TBCD: variants seen among roughly 807,000 people sequenced by gnomAD.
TBCD encodes tubulin-specific chaperone D.
In TBCD, 105 loss-of-function variants were observed where a neutral mutation model predicts 169.3. The observed-to-expected ratio is 0.62, with a 90% CI of 0.53 to 0.73. The LOEUF is 0.73. Among genes scored for constraint, TBCD ranks in the 30% least tolerant of loss-of-function variants. The pLI is 0.00. For synonymous variants in TBCD, 700 were observed against 643.9 expected, an observed-to-expected ratio of 1.09 and a Z score of -1.32; for missense variants, 1,444 against 1,600.1, an observed-to-expected ratio of 0.90 and a Z score of 1.66.
At chr17:82,786,477 TA>T (rs2049325205) in intron 7 of TBCD, among the ~76,000 whole-genome samples, 1 of 152,172 alleles carries the variant, frequency 6.6e-6, no homozygotes, top group Non-Finnish European at 1.5e-5. Flanking sequence ...AACGGGCTTC[TA>T]GGGGTCTCCT....
chr17:82,857,581 G>A (rs2056414151), intron 13 of TBCD, among the ~76,000 whole-genome samples: 1 of 151,890 alleles, frequency 6.6e-6, no homozygotes, highest in African/African-American at 2.4e-5. Context: ...AAAGTATTTT[G>A]TTTTTTTGTT....
chr17:82,929,240 C>T lies in TBCD; in HGVS notation c.2821C>T (p.His941Tyr), dbSNP rs753751532. The T allele has an allele frequency of 1.2e-6, 2 of 1,613,946 alleles. No individual in the cohort carries two copies. The change falls in exon 31 of 39, where the codon CAC (histidine) becomes TAC (tyrosine). Residue 941 changes from histidine (H) to tyrosine (Y), a missense_variant. His to Tyr is a moderately conservative substitution (Grantham distance 83, BLOSUM62 2). Transcript: ENST00000355528. Reference sequence around the variant, plus strand: ...CAGCCCTCCCATCCCCCACGTGCCCCACCGAGGAGAACTGGAAAAGCTGTT... The same window carrying T: ...CAGCCCTCCCATCCCCCACGTGCCCTACCGAGGAGAACTGGAAAAGCTGTT... ...FDSPPIPHVP[H>Y]RGELEKLFPR...
intron 15 of TBCD, among the ~76,000 whole-genome samples, chr17:82,885,405 G>C (rs1056572146): frequency 6.6e-6 from 1 of 152,110 alleles, no homozygotes; most frequent in Non-Finnish European, 1.5e-5. Flanking sequence ...CCTGCTCTCT[G>C]TATCCTGAAG....
chr17:82,831,428 G>A lies in TBCD; in HGVS notation c.1318+16494G>A, dbSNP rs1461632368. ...TCAAGCAGGTGAGAGCTCTGATCTC[G>A]GGTGAGGCCAGTGACAGGTGGGAGT... On this transcript the variant is annotated intron_variant, in intron 13 of 38. Transcript: ENST00000355528. This position sits in a 1 kb window ranked among gnomAD's most constrained non-coding sequence, Gnocchi z 4.6. The A allele has an allele frequency of 6.2e-7, 1 of 1,614,166 alleles. No homozygotes were observed. Among genetic ancestry groups the A allele is most frequent in the Admixed American group, 1.7e-5 (1 of 60,016 alleles).
intron 13 of TBCD, among the ~76,000 whole-genome samples, chr17:82,828,272 A>G (rs2053104633): frequency 7.7e-6 from 1 of 130,288 alleles, no homozygotes; most frequent in Non-Finnish European, 1.6e-5. Flanking sequence ...ACACAATTGA[A>G]TGCACACACA....
At chr17:82,904,151 C>T (rs1460691604) in intron 19 of TBCD, among the ~76,000 whole-genome samples, 3 of 147,810 alleles carry the variant, frequency 2.0e-5, no homozygotes, top group Non-Finnish European at 3.0e-5. Flanking sequence ...TCCTTGGTCT[C>T]TAGGTGGCTT....
intron 15 of TBCD, among the ~76,000 whole-genome samples, chr17:82,887,581 C>T (rs541411031): frequency 3.5e-4 from 54 of 152,268 alleles, no homozygotes; most frequent in African/African-American, 1.2e-3. Flanking sequence ...TGTAAACATT[C>T]GTGCTCAGGT....
At chr17:82,939,887 G>A (rs1398883730) in intron 37 of TBCD, among the ~76,000 whole-genome samples, 7 of 152,184 alleles carry the variant, frequency 4.6e-5, no homozygotes, top group Admixed American at 3.3e-4. Flanking sequence ...AATAAGAAAA[G>A]CTCTCCCCAC....
chr17:82,919,662 C>CT (rs1366405828), intron 23 of TBCD, among the ~76,000 whole-genome samples: 3 of 152,104 alleles, frequency 2.0e-5, no homozygotes, highest in African/African-American at 7.2e-5. Flanking sequence ...CCGTTTTCCT[C>CT]TTTCCAGTCG....
Position 82,768,582 on chromosome 17 carries a change from A to G in TBCD, c.582+16A>G. 6.2e-7 allele frequency: 1 copy of G among 1,612,392 alleles called. No individual in the cohort carries two copies. The highest frequency in any genetic ancestry group is 8.5e-7 in the Non-Finnish European group (1 of 1,178,696). Reference sequence around the variant, plus strand: ...AATAGCAGAGGTAAATATCATGCAGATAATTAGCTGCTAATTAGTACTCAC... The same window carrying G: ...AATAGCAGAGGTAAATATCATGCAGGTAATTAGCTGCTAATTAGTACTCAC... On this transcript the variant is annotated intron_variant, in intron 5 of 38. Coordinates refer to ENST00000355528, the MANE Select transcript of TBCD (RefSeq NM_005993.5).
At chr17:82,800,807 G>A in intron 8 of TBCD, 57 bp from the exon 9 acceptor site, 1 of 1,561,850 alleles carries the variant, frequency 6.4e-7, no homozygotes, top group Non-Finnish European at 8.7e-7. Flanking sequence ...GACACAGGTG[G>A]TGCAGTCAGA....
intron 9 of TBCD, among the ~76,000 whole-genome samples, chr17:82,802,778 T>A (rs2050669416): frequency 6.6e-6 from 1 of 152,078 alleles, no homozygotes; most frequent in Non-Finnish European, 1.5e-5. Context: ...ATTCACATGC[T>A]GGTCCAGAGC....
chr17:82,850,087 TGTTGGCTGTG>T (rs2055589593), intron 13 of TBCD, among the ~76,000 whole-genome samples: 1 of 77,900 alleles, frequency 1.3e-5, no homozygotes, highest in African/African-American at 6.3e-5. Context: ...GCTGTGCTGC[TGTTGGCTGTG>T]CTGCTGTTGG....
chr17:82,865,446 C>G, intron 13 of TBCD: 3 of 985,238 alleles, frequency 3.0e-6, no homozygotes, highest in Non-Finnish European at 3.6e-6. Flanking sequence ...GGGAGACACC[C>G]CCTGCCCACA....
Position 82,938,194 on chromosome 17 carries a change from C to T in TBCD, c.3369+58C>T. ...CGTGTGGACACAAGCCCCTCAGTGACAAGAAGGCCTTCGCTGGCACTGTTG... is the reference window on the plus strand; with the variant it reads ...CGTGTGGACACAAGCCCCTCAGTGATAAGAAGGCCTTCGCTGGCACTGTTG... On this transcript the variant is annotated intron_variant, in intron 36 of 38. Transcript: ENST00000355528. 4 of 1,545,540 alleles carry T rather than the reference C, an allele frequency of 2.6e-6. 1 individual carries two copies. In the South Asian group the frequency reaches 4.7e-5, roughly 18 times the overall value.
At chr17:82,807,118 G>A (rs2051026028) in intron 10 of TBCD, among the ~76,000 whole-genome samples, 1 of 152,368 alleles carries the variant, frequency 6.6e-6, no homozygotes, top group South Asian at 2.1e-4. Flanking sequence ...CCTTGCTGGG[G>A]CTTGCAGGGC....
intron 19 of TBCD, among the ~76,000 whole-genome samples, chr17:82,904,906 A>ACC (rs1265899189): frequency 2.0e-5 from 3 of 152,142 alleles, no homozygotes; most frequent in Non-Finnish European, 2.9e-5. Context: ...GAGCACGGAC[A>ACC]CCCAGAACAG....
chr17:82,915,172 C>T lies in TBCD; in HGVS notation c.2038+3383C>T, dbSNP rs551319105. Among the ~76,000 whole-genome samples, 1 of 152,230 alleles carries T rather than the reference C, an allele frequency of 6.6e-6. No individual in the cohort carries two copies. The highest frequency in any genetic ancestry group is 2.1e-4 in the South Asian group (1 of 4,822). ...GCTGCTGGTCACTTTCTCACCCAGG[C>T]CAGAGGATGGCGCCCTTACCCCCGA... On this transcript the variant is annotated intron_variant, in intron 23 of 38. Coordinates refer to ENST00000355528, the MANE Select transcript of TBCD (RefSeq NM_005993.5). The surrounding 1 kb of genome is among the most constrained non-coding windows in gnomAD (Gnocchi z 4.3).
chr17:82,917,006 T>C (rs2061083346), intron 23 of TBCD, among the ~76,000 whole-genome samples: 1 of 105,836 alleles, frequency 9.4e-6, no homozygotes, highest in African/African-American at 3.6e-5. Flanking sequence ...GTTTGGACTT[T>C]TTTTTTTCTT....
Sources: gnomAD v4.1 joint callset for allele counts (sites outside exome capture counted in the v4.1 genomes callset) on GRCh38, gnomAD v4.1.1 for gene constraint, Gnocchi (gnomAD v3.1) non-coding constraint, MANE v1.5 for transcripts, NCBI Gene and HGNC (gene_info 2026-07-23, HGNC 2026-07-21) for gene names.